Variants in TRIP12 observed in about 807,000 individuals in gnomAD.
TRIP12 encodes E3 ubiquitin-protein ligase TRIP12.
TRIP12 carries 25 observed loss-of-function variants against 244.2 expected under a neutral mutation model. The observed-to-expected ratio is 0.10, with a 90% CI of 0.07 to 0.14. The LOEUF is 0.14. Among genes scored for constraint, TRIP12 ranks in the 10% least tolerant of loss-of-function variants. The pLI is 1.00. For missense variants in TRIP12, 1,677 were observed against 2,486.4 expected, an observed-to-expected ratio of 0.67 and a Z score of 6.92; for synonymous variants, 905 against 873.1, an observed-to-expected ratio of 1.04 and a Z score of -0.64.
Position 229,805,873 on chromosome 2 carries a change from T to C in TRIP12, c.2507A>G (p.Gln836Arg), listed in dbSNP as rs1224729482. The change falls in exon 18 of 42, where the codon CAG becomes CGG. Residue 836 changes from glutamine (Q) to arginine (R), a missense_variant. Physicochemically the swap from Gln to Arg is conservative, Grantham distance 43. Coordinates refer to ENST00000675903, the MANE Select transcript of TRIP12 (RefSeq NM_001348323.3). ...IDSRIIEAAH[Q>R]VGEDEISLST... is the part of the protein sequence containing the mutation. Reference sequence around the variant, plus strand: ...CAAGCTTATCTCATCCTCACCGACCTGATGGGCTGCCTGAGAGCAAAGAGA... The same window carrying C: ...CAAGCTTATCTCATCCTCACCGACCCGATGGGCTGCCTGAGAGCAAAGAGA... 9 of 1,560,262 alleles carry C rather than the reference T, an allele frequency of 5.8e-6. No individual in the cohort carries two copies. Among genetic ancestry groups the C allele is most frequent in the South Asian group, 2.3e-5 (2 of 85,948 alleles).
chr2:229,891,233 CA>C (rs1453410187), intron 1 of TRIP12, among the ~76,000 whole-genome samples: 1 of 151,528 alleles, frequency 6.6e-6, no homozygotes, highest in East Asian at 1.9e-4. Flanking sequence ...CCAGCCTAGG[CA>C]ACATGGTGAA....
At chr2:229,913,751 C>T (rs1310276680) in intron 1 of TRIP12, among the ~76,000 whole-genome samples, 1 of 152,156 alleles carries the variant, frequency 6.6e-6, no homozygotes, top group Non-Finnish European at 1.5e-5. Flanking sequence ...ATGTACAATG[C>T]ATTATGTTGG....
intron 24 of TRIP12, among the ~76,000 whole-genome samples, chr2:229,797,489 T>C (rs142760312): frequency 4.0e-4 from 61 of 152,340 alleles, no homozygotes; most frequent in African/African-American, 1.4e-3. Context: ...ATGAGGTTTC[T>C]AGTACATTTA....
At chr2:229,815,729 G>A (rs2048343357) in intron 9 of TRIP12, among the ~76,000 whole-genome samples, 1 of 151,358 alleles carries the variant, frequency 6.6e-6, no homozygotes, top group South Asian at 2.1e-4. Context: ...ACAGATTCAG[G>A]ACCATAACTT....
In TRIP12 at chr2:229,778,973, C is replaced by A. The variant is rs753442958; in HGVS notation, c.5112G>T (p.Gly1704=). 5.6e-6 allele frequency: 9 copies of A among 1,613,836 alleles called. No homozygotes were observed. In the East Asian group the frequency reaches 1.8e-4, roughly 32 times the overall value. The stretch of plus-strand genomic sequence containing the variant: ...CAAGCGCATAAAACTCCAGTGTAGG[C>A]CCAAGACCTGTACCAACCTACAGAA... The part of the protein sequence containing the change: ...QYENEVGTGL[G]PTLEFYALVS... The change falls in exon 35 of 42, where the codon GGG becomes GGT. Residue 1704 remains glycine (G), a synonymous_variant. Transcript: ENST00000675903. The surrounding 1 kb of genome is among the most constrained non-coding windows in gnomAD (Gnocchi z 4.1).
chr2:229,827,438 G>C (rs1163376358), intron 8 of TRIP12, among the ~76,000 whole-genome samples: 1 of 152,038 alleles, frequency 6.6e-6, no homozygotes, highest in Admixed American at 6.5e-5. Context: ...TATCCATAGA[G>C]TATAAGCTTT....
intron 2 of TRIP12, among the ~76,000 whole-genome samples, chr2:229,874,585 T>G (rs1383407188): frequency 6.6e-6 from 1 of 152,152 alleles, no homozygotes; most frequent in African/African-American, 2.4e-5. Context: ...GGAAGAATGT[T>G]ACAGAATTCC....
chr2:229,891,282 C>T (rs939030043), intron 1 of TRIP12, among the ~76,000 whole-genome samples: 1 of 151,812 alleles, frequency 6.6e-6, no homozygotes, highest in Admixed American at 6.6e-5. Context: ...TTTAGCCTGG[C>T]GTGGTGGTGG....
intron 2 of TRIP12, among the ~76,000 whole-genome samples, chr2:229,872,588 C>T (rs2062861282): frequency 1.3e-5 from 2 of 151,890 alleles, no homozygotes; most frequent in Non-Finnish European, 2.9e-5. Flanking sequence ...AAAAAGATGC[C>T]TATGAAACAG....
intron 4 of TRIP12, among the ~76,000 whole-genome samples, chr2:229,848,211 G>A (rs1007169030): frequency 6.6e-6 from 1 of 151,908 alleles, no homozygotes; most frequent in African/African-American, 2.4e-5. Flanking sequence ...TTAGACTTTT[G>A]GTCTTGAATT....
At chr2:229,779,302 T>A (rs1217821145) in intron 34 of TRIP12, among the ~76,000 whole-genome samples, 1 of 152,236 alleles carries the variant, frequency 6.6e-6, no homozygotes, top group Non-Finnish European at 1.5e-5. Context: ...TGCATATGGA[T>A]GTCTTTCCCC....
intron 1 of TRIP12, among the ~76,000 whole-genome samples, chr2:229,888,816 A>G (rs2154360231): frequency 6.6e-6 from 1 of 152,268 alleles, no homozygotes; most frequent in Non-Finnish European, 1.5e-5. Context: ...AAAAAAAACA[A>G]AAGAAAATGT....
At chr2:229,812,979 A>T (rs1207452380) in intron 13 of TRIP12, among the ~76,000 whole-genome samples, 1 of 152,202 alleles carries the variant, frequency 6.6e-6, no homozygotes. Context: ...CTAAAAAAAA[A>T]TTCAATTTCT....
At chr2:229,847,917 A>G (rs1314439443) in intron 4 of TRIP12, among the ~76,000 whole-genome samples, 2 of 152,188 alleles carry the variant, frequency 1.3e-5, no homozygotes, top group Admixed American at 6.5e-5. Context: ...TACACCAAAA[A>G]TAAGAGGGAG....
upstream of TRIP12, chr2:229,922,649 T>A (rs370257979): frequency 1.3e-6 from 2 of 1,597,236 alleles, no homozygotes; most frequent in Admixed American, 3.4e-5. Flanking sequence ...CCTAACTCCC[T>A]ACCTGGCCCG....
At chr2:229,792,602 G>A (rs914661157) in intron 27 of TRIP12, among the ~76,000 whole-genome samples, 3 of 152,122 alleles carry the variant, frequency 2.0e-5, no homozygotes, top group Non-Finnish European at 2.9e-5. Flanking sequence ...CGATGTTCAC[G>A]GCAACAATCA....
chr2:229,881,864 G>A (rs1298546374), intron 1 of TRIP12, among the ~76,000 whole-genome samples: 1 of 152,186 alleles, frequency 6.6e-6, no homozygotes, highest in African/African-American at 2.4e-5. Flanking sequence ...CGTTAATAAT[G>A]ACTGCCTTTG....
intron 18 of TRIP12, among the ~76,000 whole-genome samples, chr2:229,805,206 T>C (rs529415801): frequency 5.5e-4 from 46 of 83,816 alleles, no homozygotes; most frequent in African/African-American, 1.7e-3. Flanking sequence ...TGCCCAGCAC[T>C]ACCTGGCCCT....
At position 229,889,293 on chromosome 2, in the gene TRIP12, A is replaced by T. The variant is rs150562301; in HGVS notation, c.-49-9165T>A. Reference sequence around the variant, plus strand: ...CAAGGAGGTCCAAAATAGACCAAAAATCTATTTTGTAGAACACTGTAAGAT... The same window carrying T: ...CAAGGAGGTCCAAAATAGACCAAAATTCTATTTTGTAGAACACTGTAAGAT... On this transcript the variant is annotated intron_variant, in intron 1 of 41. Coordinates refer to ENST00000675903, the MANE Select transcript of TRIP12 (RefSeq NM_001348323.3). 5.9e-3 allele frequency among the ~76,000 whole-genome samples: 902 copies of T among 152,330 alleles called. 7 individuals are homozygous for T. Among genetic ancestry groups the T allele is most frequent in the African/African-American group, 0.02 (848 of 41,584 alleles).
Sources: gnomAD v4.1 joint callset for allele counts (sites outside exome capture counted in the v4.1 genomes callset) on GRCh38, gnomAD v4.1.1 for gene constraint, Gnocchi (gnomAD v3.1) non-coding constraint, MANE v1.5 for transcripts, NCBI Gene and HGNC (gene_info 2026-07-23, HGNC 2026-07-21) for gene names.